Variants in ABCG1 observed in about 807,000 individuals in gnomAD.
ABCG1 encodes ATP binding cassette subfamily G member 1.
A neutral mutation model predicts 69.2 loss-of-function variants in ABCG1; 29 were observed. The observed-to-expected ratio is 0.42, with a 90% CI of 0.31 to 0.57. The LOEUF is 0.57. Ranked by LOEUF, ABCG1 falls within the 20% of genes least tolerant of loss-of-function variation. ABCG1 has a pLI of 0.15. For missense variants in ABCG1, 718 were observed against 898.1 expected (o/e 0.80, Z 2.56); for synonymous variants, 370 against 374.8 (o/e 0.99, Z 0.15).
rs527987314 is a variant in ABCG1 at position 42,256,264 on chromosome 21, T to C, written c.287-14806T>C. ...CAGTGCAACAGACAGAACACTTACC[T>C]GCCTGCCCTCCCGCCAGGAGGTGGT... On this transcript the variant is annotated intron_variant, in intron 2 of 14. Coordinates refer to ENST00000398449, the MANE Select transcript of ABCG1 (RefSeq NM_016818.3). The C allele has an allele frequency of 3.3e-6, 5 of 1,499,234 alleles. No homozygotes were observed. The South Asian group carries it at 5.3e-5, about 16-fold the overall frequency. The allele number at this position is 1,499,234 out of a possible 1,614,324, so 92.9% of individuals were successfully genotyped here.
At chr21:42,294,418 C>T in intron 13 of ABCG1, 124 bp from the exon 14 acceptor site, 1 of 751,152 alleles carries the variant, frequency 1.3e-6, no homozygotes, top group Non-Finnish European at 2.4e-6. Context: ...CATTAAGCAT[C>T]ATCATTACCC....
intron 2 of ABCG1, among the ~76,000 whole-genome samples, chr21:42,267,831 G>A (rs2123716295): frequency 6.6e-6 from 1 of 151,146 alleles, no homozygotes; most frequent in Non-Finnish European, 1.5e-5. Flanking sequence ...TTCTGTCTGG[G>A]TCTGGTCTGG....
intron 2 of ABCG1, among the ~76,000 whole-genome samples, chr21:42,257,320 C>G (rs951829878): frequency 6.6e-6 from 1 of 152,248 alleles, no homozygotes; most frequent in African/African-American, 2.4e-5. Flanking sequence ...GGGAACCCAG[C>G]TGGGCTGGAG....
Position 42,285,919 on chromosome 21 carries a change from A to G in ABCG1, c.898A>G (p.Lys300Glu), listed in dbSNP as rs1601447448. The part of the protein sequence containing the change: ...LSQGQCVYRG[K>E]VCNLVPYLRD... ...TCAAGGACAATGTGTGTACCGGGGA[A>G]AAGTCTGCAATCTTGTGCCATATTT... is the stretch of plus-strand genomic sequence containing the variant. Residue 300 changes from lysine (K) to glutamate (E), a missense_variant, in exon 8 of 15, where the codon AAA becomes GAA. Around this residue, in one of 2 missense-constraint regions of ABCG1, gnomAD observed 514 missense variants for 574.3 expected, o/e 0.90. Coordinates refer to ENST00000398449, the MANE Select transcript of ABCG1 (RefSeq NM_016818.3). The G allele has an allele frequency of 1.9e-6, 3 of 1,614,106 alleles. No homozygotes were observed. The highest frequency in any genetic ancestry group is 2.5e-6 in the Non-Finnish European group (3 of 1,180,008).
At chr21:42,285,484 C>T (rs1207460208) in intron 7 of ABCG1, among the ~76,000 whole-genome samples, 1 of 149,710 alleles carries the variant, frequency 6.7e-6, no homozygotes, top group Non-Finnish European at 1.5e-5. Flanking sequence ...CCAGCCTGGG[C>T]AACAGAGCAA....
intron 2 of ABCG1, among the ~76,000 whole-genome samples, chr21:42,264,523 G>T (rs1159391391): frequency 2.6e-5 from 4 of 151,580 alleles, no homozygotes; most frequent in Non-Finnish European, 5.9e-5. Flanking sequence ...TCATCCATCT[G>T]TTCATCCATT....
At chr21:42,205,096 T>G (rs756660551) in intron 2 of ABCG1, among the ~76,000 whole-genome samples, 6 of 152,188 alleles carry the variant, frequency 3.9e-5, no homozygotes, top group Non-Finnish European at 7.4e-5. Flanking sequence ...TCTGTTTATA[T>G]TCAGTGAGTT....
At chr21:42,205,018 G>GT (rs746194754) in intron 2 of ABCG1, among the ~76,000 whole-genome samples, 5,078 of 135,112 alleles carry the variant, frequency 0.038, 94 homozygotes, top group African/African-American at 0.054. Flanking sequence ...TGTTTTTGTT[G>GT]TTTTTTTTTT....
chr21:42,232,389 C>T (rs1267864543), intron 2 of ABCG1, among the ~76,000 whole-genome samples: 5 of 152,224 alleles, frequency 3.3e-5, no homozygotes, highest in East Asian at 1.9e-4. Context: ...CTTAGTGTGG[C>T]GTTGTTAGCG....
rs145462018 is a variant in ABCG1, at chr21:42,284,788, G to A, written c.858+105G>A. The stretch of plus-strand genomic sequence containing the variant: ...ACTGCCTTCTGTTAGCTCGTGGGGC[G>A]TCTTCATGACACCAAACCCTGGGTA... On this transcript the variant is annotated intron_variant, in intron 7 of 14. Coordinates refer to ENST00000398449, the MANE Select transcript of ABCG1 (RefSeq NM_016818.3). 4.2e-5 allele frequency: 61 copies of A among 1,446,668 alleles called. No homozygotes were observed. In the South Asian group the frequency reaches 4.8e-4, roughly 11 times the overall value. 89.6% of individuals were successfully genotyped at this position (1,446,668 alleles called of 1,614,324 possible).
chr21:42,290,126 A>T lies in ABCG1; in HGVS notation c.1301A>T (p.Asn434Ile). 1 of 1,614,172 alleles carries T rather than the reference A, an allele frequency of 6.2e-7. No homozygotes were observed. Among genetic ancestry groups the T allele is most frequent in the South Asian group, 1.1e-5 (1 of 91,086 alleles). Residue 434 changes from asparagine to isoleucine, a missense_variant, in exon 11 of 15, where the codon AAC (asparagine) becomes ATC (isoleucine). Physicochemically the swap from Asn to Ile is moderately radical, Grantham distance 149. Around this residue, in one of 2 missense-constraint regions of ABCG1, gnomAD observed 204 missense variants for 323.8 expected, o/e 0.63. Transcript: ENST00000398449. ...GGCCTGCTGTACTTGGGGATCGGGA[A>T]CGAAGCCAAGAAGGTCTTGAGCAAC... ...LIGLLYLGIGNEAKKVLSNSG... is the reference protein window; with the variant it reads ...LIGLLYLGIGIEAKKVLSNSG...
chr21:42,260,202 G>A (rs1281890790), intron 2 of ABCG1: 2 of 1,548,572 alleles, frequency 1.3e-6, no homozygotes, highest in Admixed American at 3.9e-5. Flanking sequence ...GGCATTCAGA[G>A]TAGATGCTCA....
At chr21:42,221,061 G>C (rs117853896) in intron 1 of ABCG1, 1 of 152,078 alleles carries the variant, frequency 6.6e-6, no homozygotes, top group African/African-American at 2.4e-5. Context: ...TTGTTATCAC[G>C]TGGAGACAGT....
At position 42,276,237 on chromosome 21, in the gene ABCG1, G is replaced by A. The variant is rs2068708255; in HGVS notation, c.538-658G>A. Reference sequence around the variant, plus strand: ...GAGCCCAGTGCTGTGTTAGCAAACGGGATCTCAAAAAACACAACAACAACA... The same window carrying A: ...GAGCCCAGTGCTGTGTTAGCAAACGAGATCTCAAAAAACACAACAACAACA... On this transcript the variant is annotated intron_variant, in intron 4 of 14. Coordinates refer to ENST00000398449, the MANE Select transcript of ABCG1 (RefSeq NM_016818.3). The surrounding 1 kb of genome is among the most constrained non-coding windows in gnomAD (Gnocchi z 5.3). 6.6e-6 allele frequency: 1 copy of A among 152,264 alleles called. No individual in the cohort carries two copies. Among genetic ancestry groups the A allele is most frequent in the African/African-American group, 2.4e-5 (1 of 41,398 alleles). The allele number at this position is 152,264 out of a possible 1,614,324, so 9.4% of individuals were successfully genotyped here. A position where few individuals can be genotyped will look rare whatever the true frequency, so the allele number is the denominator to read the frequency against.
In ABCG1 at chr21:42,296,379, G is replaced by A. The variant is rs755897014; in HGVS notation, c.1988G>A (p.Arg663Gln). The A allele has an allele frequency of 2.5e-5, 40 of 1,613,400 alleles. No individual in the cohort carries two copies. Among genetic ancestry groups the A allele is most frequent in the Admixed American group, 1.0e-4 (6 of 59,984 alleles). ...IAYFVLRYKI[R>Q]AER ...TATTTTGTCCTCAGGTACAAAATCC[G>A]GGCAGAGAGGTAAAACACCTGAATG... The change falls in exon 15 of 15, where the codon CGG becomes CAG. Residue 663 changes from arginine (R) to glutamine (Q), a missense_variant. By Grantham distance (43) the Arg-to-Gln change is conservative (BLOSUM62 1). Transcript: ENST00000398449. The surrounding 1 kb of genome is among the most constrained non-coding windows in gnomAD (Gnocchi z 5.4).
chr21:42,210,911 C>A (rs1219439105), intron 2 of ABCG1, among the ~76,000 whole-genome samples: 1 of 151,722 alleles, frequency 6.6e-6, no homozygotes, highest in Non-Finnish European at 1.5e-5. Flanking sequence ...AGAGTGCCAG[C>A]AAAATAGGAA....
chr21:42,240,737 C>T (rs941826491), intron 2 of ABCG1, among the ~76,000 whole-genome samples: 38 of 152,224 alleles, frequency 2.5e-4, no homozygotes, highest in African/African-American at 6.5e-4. Flanking sequence ...CGTGAGCCAC[C>T]GCACCCAGCC....
Position 42,219,286 on chromosome 21 carries a change from C to T in ABCG1, c.24C>T (p.Phe8=). The T allele has an allele frequency of 6.3e-7, 1 of 1,593,120 alleles. No homozygotes were observed. Among genetic ancestry groups the T allele is most frequent in the Non-Finnish European group, 8.5e-7 (1 of 1,174,332 alleles). The part of the protein sequence containing the change: MACLMAA[F]SVGTAMNASS... Reference sequence around the variant, plus strand: ...GCATGGCCTGTCTGATGGCCGCTTTCTCGGTCGGCACCGCCATGGTGAGTG... The same window carrying T: ...GCATGGCCTGTCTGATGGCCGCTTTTTCGGTCGGCACCGCCATGGTGAGTG... Residue 8 remains phenylalanine (F), a synonymous_variant, in exon 1 of 15, where the codon TTC becomes TTT. Transcript: ENST00000398449. The surrounding 1 kb of genome is among the most constrained non-coding windows in gnomAD (Gnocchi z 5.3).
chr21:42,241,810 C>A (rs13052462), intron 2 of ABCG1, among the ~76,000 whole-genome samples: 43,783 of 146,216 alleles, frequency 0.3, 6,616 homozygotes, highest in Middle Eastern at 0.39. Context: ...ATCAGAGACC[C>A]TATCTCTATT....
Sources: allele counts gnomAD v4.1 joint callset (sites outside exome capture counted in the v4.1 genomes callset), GRCh38; gene constraint gnomAD v4.1.1; regional missense constraint gnomAD v4.1.1; non-coding constraint Gnocchi (gnomAD v3.1); transcripts MANE v1.5; gene names NCBI Gene and HGNC (gene_info 2026-07-23, HGNC 2026-07-21).